EPS8: variants seen among roughly 807,000 people sequenced by gnomAD.
EPS8 encodes epidermal growth factor receptor kinase substrate 8.
In EPS8, 42 loss-of-function variants were observed where a neutral mutation model predicts 103.8. That is an observed-to-expected ratio of 0.40 (90% CI 0.32 to 0.52). The LOEUF is 0.52. EPS8 is among the 20% of genes least tolerant of loss of function. The probability of loss-of-function intolerance (pLI) is 0.40; values close to 1 mark genes in which losing one functional copy is unlikely to be tolerated. For synonymous variants in EPS8, 344 were observed against 344.6 expected (o/e 1.00, Z 0.02); for missense variants, 969 against 1,005.1 (o/e 0.96, Z 0.49).
Position 15,778,526 on chromosome 12 carries a change from T to C in EPS8, c.-22+10635A>G, listed in dbSNP as rs767978538. Among the ~76,000 whole-genome samples the C allele has an allele frequency of 3.3e-5, 5 of 152,230 alleles. No individual in the cohort carries two copies. The highest frequency in any genetic ancestry group is 5.9e-5 in the Non-Finnish European group (4 of 68,034). ...GTAGTTTATGGTACACAGTACTTTT[T>C]TGAAAACAGACCACGCAACAGAGGT... On this transcript the variant is annotated intron_variant, in intron 1 of 20. Transcript: ENST00000281172. This position sits in a 1 kb window ranked among gnomAD's most constrained non-coding sequence, Gnocchi z 4.5.
rs1236151100 is a variant in EPS8, at chr12:15,738,770, C to CA, written c.-22+50390dup. On this transcript the variant is annotated intron_variant, in intron 1 of 20. Transcript: ENST00000281172. This position sits in a 1 kb window ranked among gnomAD's most constrained non-coding sequence, Gnocchi z 6.2. ...TTTTTTTTTGTAATACCAGCAGCTACAAAGTCCTGGCAATAGCAGGTGCTT... is the reference window on the plus strand; with the variant it reads ...TTTTTTTTTGTAATACCAGCAGCTACAAAAGTCCTGGCAATAGCAGGTGCTT... Among the ~76,000 whole-genome samples, 3 of 152,006 alleles carry CA rather than the reference C, an allele frequency of 2.0e-5. No individual in the cohort carries two copies. Among genetic ancestry groups the CA allele is most frequent in the African/African-American group, 2.4e-5 (1 of 41,372 alleles).
At chr12:15,638,504 G>C (rs539212192) in intron 17 of EPS8, among the ~76,000 whole-genome samples, 14 of 152,134 alleles carry the variant, frequency 9.2e-5, no homozygotes, top group Non-Finnish European at 1.8e-4. Flanking sequence ...ATACGCTTCT[G>C]CATACACACA....
At chr12:15,770,751 C>T (rs1947145807) in intron 1 of EPS8, among the ~76,000 whole-genome samples, 1 of 152,152 alleles carries the variant, frequency 6.6e-6, no homozygotes, top group Admixed American at 6.5e-5. Context: ...CTGATTGTCA[C>T]CATGATTAAG....
At chr12:15,786,081 T>C (rs1439733440) in intron 1 of EPS8, among the ~76,000 whole-genome samples, 1 of 151,950 alleles carries the variant, frequency 6.6e-6, no homozygotes, top group Non-Finnish European at 1.5e-5. Flanking sequence ...TCCTTAAGTA[T>C]AGGCTATACA....
At chr12:15,676,010 C>T (rs1456750622) in intron 3 of EPS8, among the ~76,000 whole-genome samples, 2 of 152,086 alleles carry the variant, frequency 1.3e-5, no homozygotes, top group East Asian at 1.9e-4. Flanking sequence ...TGGTGGCTCA[C>T]GCCTGTAATC....
chr12:15,713,863 A>G lies in EPS8; in HGVS notation c.-21-30891T>C, dbSNP rs1390785590. 6.6e-6 allele frequency among the ~76,000 whole-genome samples: 1 copy of G among 152,238 alleles called. No homozygotes were observed. Among genetic ancestry groups the G allele is most frequent in the Non-Finnish European group, 1.5e-5 (1 of 68,042 alleles). ...CAGGGGAAATGCTATAAATGCTATA[A>G]GAAATTAAAATCCTAAACCTATGAC... On this transcript the variant is annotated intron_variant, in intron 1 of 20. Transcript: ENST00000281172. This position sits in a 1 kb window ranked among gnomAD's most constrained non-coding sequence, Gnocchi z 4.8.
chr12:15,623,780 T>A lies in EPS8; in HGVS notation c.2225+447A>T, dbSNP rs551426390. 2.6e-5 allele frequency among the ~76,000 whole-genome samples: 4 copies of A among 152,328 alleles called. No homozygotes were observed. The East Asian group carries it at 7.7e-4, about 29-fold the overall frequency. On this transcript the variant is annotated intron_variant, in intron 19 of 20. Transcript: ENST00000281172. ...TACTATGGGTTTATTAAAGGAAAAG[T>A]TCTATTAAGATTATAATTGATGCTA...
Position 15,772,630 on chromosome 12 carries a change from T to C in EPS8, c.-22+16531A>G, listed in dbSNP as rs1947166209. On this transcript the variant is annotated intron_variant, in intron 1 of 20. Coordinates refer to ENST00000281172, the MANE Select transcript of EPS8 (RefSeq NM_004447.6). The surrounding 1 kb of genome is among the most constrained non-coding windows in gnomAD (Gnocchi z 5.0). The stretch of plus-strand genomic sequence containing the variant: ...CTAGAACTTACTTGAGAGTTTCACT[T>C]AGGAAGAATTTTGGATACCTATTCC... 6.6e-6 allele frequency among the ~76,000 whole-genome samples: 1 copy of C among 152,194 alleles called. No homozygotes were observed. The highest frequency in any genetic ancestry group is 2.1e-4 in the South Asian group (1 of 4,830).
chr12:15,720,967 A>AT (rs1436011918), intron 1 of EPS8, among the ~76,000 whole-genome samples: 1 of 152,014 alleles, frequency 6.6e-6, no homozygotes, highest in Non-Finnish European at 1.5e-5. Context: ...GTGTGCTTTT[A>AT]TTTTTTATTT....
chr12:15,661,285 T>G (rs932167747), intron 9 of EPS8, among the ~76,000 whole-genome samples: 2 of 152,182 alleles, frequency 1.3e-5, no homozygotes, highest in Non-Finnish European at 2.9e-5. Flanking sequence ...TACTATAGTC[T>G]TAGTTGCCTT....
In EPS8 at chr12:15,690,295, T is replaced by C. The variant is rs1369879140; in HGVS notation, c.-21-7323A>G. Among the ~76,000 whole-genome samples the C allele has an allele frequency of 6.6e-6, 1 of 152,134 alleles. No homozygotes were observed. Among genetic ancestry groups the C allele is most frequent in the Non-Finnish European group, 1.5e-5 (1 of 68,014 alleles). ...CCCACTTCTCTAAATCATAAATACA[T>C]CTCCCGAATATTACTACAAGTAAAA... On this transcript the variant is annotated intron_variant, in intron 1 of 20. Transcript: ENST00000281172. The surrounding 1 kb of genome is among the most constrained non-coding windows in gnomAD (Gnocchi z 4.7).
At chr12:15,753,082 A>C (rs1390084298) in intron 1 of EPS8, among the ~76,000 whole-genome samples, 1 of 151,696 alleles carries the variant, frequency 6.6e-6, no homozygotes, top group African/African-American at 2.4e-5. Context: ...AGGGCTGAAC[A>C]AGAGACTCTG....
chr12:15,643,544 A>G (rs547423870), intron 15 of EPS8, among the ~76,000 whole-genome samples: 1 of 152,250 alleles, frequency 6.6e-6, no homozygotes, highest in South Asian at 2.1e-4. Flanking sequence ...GTTTGAGACC[A>G]GCCTGTCCAA....
At chr12:15,699,954 G>A (rs1946291251) in intron 1 of EPS8, among the ~76,000 whole-genome samples, 1 of 152,190 alleles carries the variant, frequency 6.6e-6, no homozygotes, top group South Asian at 2.1e-4. Context: ...AGGAGTTCAA[G>A]ACCAGCCTGG....
intron 1 of EPS8, among the ~76,000 whole-genome samples, chr12:15,754,449 C>T (rs573682245): frequency 3.9e-4 from 60 of 152,170 alleles, no homozygotes; most frequent in Middle Eastern, 6.8e-3. Context: ...GGATGAGTCA[C>T]ATAATAACAT....
At chr12:15,692,722 T>C (rs564616655) in intron 1 of EPS8, among the ~76,000 whole-genome samples, 2 of 152,144 alleles carry the variant, frequency 1.3e-5, no homozygotes, top group East Asian at 1.9e-4. Flanking sequence ...ATTTTCTCTT[T>C]TGTTTTTCAT....
At position 15,760,007 on chromosome 12, in the gene EPS8, A is replaced by G. The variant is rs968258271; in HGVS notation, c.-22+29154T>C. 3.9e-5 allele frequency among the ~76,000 whole-genome samples: 6 copies of G among 151,992 alleles called. No individual in the cohort carries two copies. The highest frequency in any genetic ancestry group is 4.1e-4 in the South Asian group (2 of 4,834). On this transcript the variant is annotated intron_variant, in intron 1 of 20. Coordinates refer to ENST00000281172, the MANE Select transcript of EPS8 (RefSeq NM_004447.6). The surrounding 1 kb of genome is among the most constrained non-coding windows in gnomAD (Gnocchi z 4.5). ...AATTAAAAAGAAGAAAATATAAAAA[A>G]AATCAATGAAACTAAAAGTTGGTTT...
intron 18 of EPS8, among the ~76,000 whole-genome samples, chr12:15,629,277 T>C (rs1945002379): frequency 1.3e-5 from 2 of 152,220 alleles, no homozygotes; most frequent in Admixed American, 1.3e-4. Flanking sequence ...AAGAACAGAC[T>C]GTCCTAACCC....
In EPS8 at chr12:15,715,394, C is replaced by CTTTT. The variant is rs3086457; in HGVS notation, c.-21-32426_-21-32423dup. On this transcript the variant is annotated intron_variant, in intron 1 of 20. Transcript: ENST00000281172. ...TTTCTTTTTTTTTTTCTTTACTTTT[C>CTTTT]TTTTTTTTTTTTTTTTGAGATGGAG... is the stretch of plus-strand genomic sequence containing the variant. Among the ~76,000 whole-genome samples, 41 of 127,170 alleles carry CTTTT rather than the reference C, an allele frequency of 3.2e-4. 2 individuals are homozygous for CTTTT. The highest frequency in any genetic ancestry group is 5.1e-4 in the Non-Finnish European group (32 of 63,242). The allele number at this position is 127,170 out of a possible 152,430, so 83.4% of individuals were successfully genotyped here. A position where few individuals can be genotyped will look rare whatever the true frequency, so the allele number is the denominator to read the frequency against.
Sources: gnomAD v4.1 joint callset for allele counts (sites outside exome capture counted in the v4.1 genomes callset) on GRCh38, gnomAD v4.1.1 for gene constraint, Gnocchi (gnomAD v3.1) non-coding constraint, MANE v1.5 for transcripts, NCBI Gene and HGNC (gene_info 2026-07-23, HGNC 2026-07-21) for gene names.